Variants in CFI observed in about 807,000 individuals in gnomAD.
CFI encodes the protein complement factor I.
A neutral mutation model predicts 78.8 loss-of-function variants in CFI; 66 were observed. The ratio of observed to expected loss-of-function variants is 0.84; its 90% CI spans 0.69 to 1.03. The LOEUF (loss-of-function observed/expected upper bound fraction) is 1.03, where lower values mean the gene tolerates loss of function less well. Among genes scored for constraint, CFI ranks in the 50% least tolerant of loss-of-function variants. The probability of loss-of-function intolerance (pLI) is 0.00; values close to 1 mark genes in which losing one functional copy is unlikely to be tolerated. For synonymous variants in CFI, 250 were observed against 232.6 expected, an observed-to-expected ratio of 1.07 and a Z score of -0.68; for missense variants, 706 against 704.5, an observed-to-expected ratio of 1.00 and a Z score of -0.02.
rs574384239 is a variant in CFI, at chr4:109,749,126, C to A, written c.1148+92G>T. The A allele has an allele frequency of 4.3e-6, 5 of 1,155,556 alleles. No individual in the cohort carries two copies. In the East Asian group the frequency reaches 7.0e-5, roughly 16 times the overall value. The allele number at this position is 1,155,556 out of a possible 1,614,324, so 71.6% of individuals were successfully genotyped here. On this transcript the variant is annotated intron_variant, in intron 10 of 12. Coordinates refer to ENST00000394634, the MANE Select transcript of CFI (RefSeq NM_000204.5). ...TTAATATAGTGGAGTTTGTCAGTACCTTTTTCAGATATGCTTTATCATCTG... is the reference window on the plus strand; with the variant it reads ...TTAATATAGTGGAGTTTGTCAGTACATTTTTCAGATATGCTTTATCATCTG...
At chr4:109,761,324 G>T (rs951397004) in intron 4 of CFI, among the ~76,000 whole-genome samples, 193 bp downstream of exon 4, 2 of 152,124 alleles carry the variant, frequency 1.3e-5, no homozygotes, top group African/African-American at 2.4e-5. Context: ...CTGTAGAGAG[G>T]CAATGTTTGA....
chr4:109,754,580 G>A (rs1338690324), intron 7 of CFI, among the ~76,000 whole-genome samples: 1 of 152,026 alleles, frequency 6.6e-6, no homozygotes, highest in African/African-American at 2.4e-5. Flanking sequence ...TGTCATGGAT[G>A]AGGATATGGC....
rs79302582 is a variant in CFI at position 109,744,073 on chromosome 4, T to C, written c.1430-1478A>G. Among the ~76,000 whole-genome samples the C allele has an allele frequency of 4.9e-3, 743 of 152,298 alleles. 7 individuals carry two copies. Among genetic ancestry groups the C allele is most frequent in the African/African-American group, 0.017 (710 of 41,578 alleles). On this transcript the variant is annotated intron_variant, in intron 11 of 12. Transcript: ENST00000394634. ...AGAATTACCCATTCTCTTTAATGAT[T>C]AAATTTTAAATAAAAGGAAGGGGTA...
chr4:109,798,512 T>TC (rs1269185423), intron 1 of CFI, among the ~76,000 whole-genome samples: 8 of 69,546 alleles, frequency 1.2e-4, no homozygotes, highest in Non-Finnish European at 5.0e-4. Flanking sequence ...TAAAGTGTTT[T>TC]TTTTTTTTAA....
the CFI span, among the ~76,000 whole-genome samples, chr4:109,735,272 TA>T: frequency 6.6e-6 from 1 of 152,158 alleles, no homozygotes; most frequent in Admixed American, 6.5e-5. Context: ...ATATTTTCTA[TA>T]TAGAACTTCC....
intron 3 of CFI, chr4:109,762,628 T>G (rs558727596): frequency 1.3e-5 from 2 of 152,278 alleles, no homozygotes; most frequent in Admixed American, 1.3e-4. Context: ...AATATAAATA[T>G]TAGACTAACT....
the CFI span, among the ~76,000 whole-genome samples, chr4:109,732,169 T>C: frequency 2.1e-4 from 32 of 152,234 alleles, no homozygotes; most frequent in Admixed American, 1.1e-3. Flanking sequence ...TGTGATCTCA[T>C]CTAATTTCTT....
chr4:109,794,417 T>C (rs1731786098), intron 1 of CFI: 2 of 152,224 alleles, frequency 1.3e-5, no homozygotes, highest in South Asian at 2.1e-4. Context: ...TCAAATCTTC[T>C]ACTGAAACCT....
rs1167227431 is a variant in CFI, at chr4:109,759,123, A to C, written c.883+1147T>G. Among the ~76,000 whole-genome samples, 10 of 152,232 alleles carry C rather than the reference A, an allele frequency of 6.6e-5. No individual in the cohort carries two copies. The East Asian group carries it at 1.9e-3, about 29-fold the overall frequency. ...AAGAAAATAAAAAGAATTCTTGCCTAAAATATTAAACCTTGCTCTTAAAAA... is the reference window on the plus strand; with the variant it reads ...AAGAAAATAAAAAGAATTCTTGCCTCAAATATTAAACCTTGCTCTTAAAAA... On this transcript the variant is annotated intron_variant, in intron 6 of 12. Transcript: ENST00000394634.
At chr4:109,754,030 C>T (rs1265211834) in intron 7 of CFI, among the ~76,000 whole-genome samples, 11 of 150,746 alleles carry the variant, frequency 7.3e-5, no homozygotes, top group African/African-American at 2.4e-4. Context: ...GTTGCCCAGA[C>T]TGGAGTGCGG....
chr4:109,779,133 G>A (rs1047925423), intron 1 of CFI, among the ~76,000 whole-genome samples: 6 of 152,018 alleles, frequency 3.9e-5, no homozygotes, highest in African/African-American at 1.5e-4. Flanking sequence ...TTCTGAACAG[G>A]GCAATCAGGC....
At chr4:109,796,298 C>T (rs1311699690) in intron 1 of CFI, among the ~76,000 whole-genome samples, 1 of 152,072 alleles carries the variant, frequency 6.6e-6, no homozygotes, top group Admixed American at 6.5e-5. Flanking sequence ...AAACTATCCT[C>T]TAAAAATGAA....
intron 6 of CFI, 139 bp downstream of exon 6, chr4:109,760,131 T>C: frequency 5.6e-6 from 4 of 715,186 alleles, no homozygotes; most frequent in Non-Finnish European, 1.0e-5. Flanking sequence ...GAACATTCCA[T>C]AGTTCTGCAA....
intron 1 of CFI, among the ~76,000 whole-genome samples, chr4:109,801,610 A>G (rs763626438): frequency 6.6e-6 from 1 of 152,216 alleles, no homozygotes; most frequent in Non-Finnish European, 1.5e-5. Flanking sequence ...TACCTTACAC[A>G]CAGGAGGAGC....
intron 12 of CFI, 82 bp downstream of exon 12, chr4:109,742,409 G>A: frequency 1.1e-6 from 1 of 926,734 alleles, no homozygotes; most frequent in Non-Finnish European, 1.8e-6. Context: ...CCCAAAGCAT[G>A]GGGGCTGATG....
At chr4:109,791,388 G>A (rs1000963447) in intron 1 of CFI, among the ~76,000 whole-genome samples, 26 of 151,454 alleles carry the variant, frequency 1.7e-4, no homozygotes, top group Admixed American at 1.6e-3. Flanking sequence ...CCCATCCGTA[G>A]GGTGTCTGTT....
chr4:109,779,136 A>G (rs1389694575), intron 1 of CFI, among the ~76,000 whole-genome samples: 1 of 152,194 alleles, frequency 6.6e-6, no homozygotes, highest in Non-Finnish European at 1.5e-5. Context: ...TGAACAGGGC[A>G]ATCAGGCAAG....
intron 7 of CFI, 66 bp downstream of exon 7, chr4:109,757,697 T>C: frequency 5.7e-6 from 6 of 1,053,194 alleles, no homozygotes; most frequent in African/African-American, 1.6e-5. Flanking sequence ...CATTAAAATA[T>C]AAGACCAAAG....
In CFI at chr4:109,744,386, C is replaced by T. The variant is rs183483540; in HGVS notation, c.1430-1791G>A. ...TATGTTGAATAGCTCCTGAATGTGC[C>T]TCAGACCATTCTCCACCCTTCAATG... On this transcript the variant is annotated intron_variant, in intron 11 of 12. Transcript: ENST00000394634. Among the ~76,000 whole-genome samples, 107 of 152,256 alleles carry T rather than the reference C, an allele frequency of 7.0e-4. 1 individual carries two copies. In the South Asian group the frequency reaches 0.01, roughly 14 times the overall value.
Sources: gnomAD v4.1 joint callset for allele counts (sites outside exome capture counted in the v4.1 genomes callset) on GRCh38, gnomAD v4.1.1 for gene constraint, MANE v1.5 for transcripts, NCBI Gene and HGNC (gene_info 2026-07-23, HGNC 2026-07-21) for gene names.